ADAMTS3: variants seen among roughly 807,000 people sequenced by gnomAD.
ADAMTS3 encodes ADAM metallopeptidase with thrombospondin type 1 motif 3, also known as A disintegrin and metalloproteinase with thrombospondin motifs 3.
Under a neutral mutation model 129.0 loss-of-function variants are expected in ADAMTS3, and 73 were observed. The ratio of observed to expected loss-of-function variants is 0.57; its 90% confidence interval spans 0.47 to 0.69. ADAMTS3 has a LOEUF of 0.69. Ranked by LOEUF, ADAMTS3 falls within the 30% of genes least tolerant of loss-of-function variation. The probability of loss-of-function intolerance (pLI) is 0.00; values close to 1 mark genes in which losing one functional copy is unlikely to be tolerated. For synonymous variants in ADAMTS3, 477 were observed against 510.8 expected, an observed-to-expected ratio of 0.93 and a Z score of 0.89; for missense variants, 1,457 against 1,514.5, an observed-to-expected ratio of 0.96 and a Z score of 0.63.
At chr4:72,286,157 A>G (rs944096061) in intron 21 of ADAMTS3, among the ~76,000 whole-genome samples, 4 of 152,218 alleles carry the variant, frequency 2.6e-5, no homozygotes, top group Non-Finnish European at 5.9e-5. Context: ...CTAAAGAAGG[A>G]GAATCAAGAA....
chr4:72,471,925 G>C (rs6812435), intron 3 of ADAMTS3, among the ~76,000 whole-genome samples: 45,011 of 151,794 alleles, frequency 0.3, 6,871 homozygotes, highest in East Asian at 0.45. Flanking sequence ...AAAATTGTCA[G>C]AACTACTACC....
In ADAMTS3 at chr4:72,369,074, G is replaced by T. The variant is rs143636365; in HGVS notation, c.662-29381C>A. Among the ~76,000 whole-genome samples the T allele has an allele frequency of 2.7e-3, 418 of 152,290 alleles. 3 individuals are homozygous for T. The highest frequency in any genetic ancestry group is 9.8e-3 in the African/African-American group (409 of 41,552). On this transcript the variant is annotated intron_variant, in intron 4 of 21. Coordinates refer to ENST00000286657, the MANE Select transcript of ADAMTS3 (RefSeq NM_014243.3). ...GAACATAGTTGGTACAAAACACACA[G>T]ATTGCAAAGAATAGGATGAAAAACA... is the stretch of plus-strand genomic sequence containing the variant.
At chr4:72,390,396 G>A (rs146144947) in intron 4 of ADAMTS3, among the ~76,000 whole-genome samples, 4 of 152,214 alleles carry the variant, frequency 2.6e-5, no homozygotes, top group African/African-American at 9.6e-5. Flanking sequence ...ACCCAGTGAG[G>A]AAGACACTTG....
intron 2 of ADAMTS3, among the ~76,000 whole-genome samples, chr4:72,552,427 T>A (rs1721667330): frequency 6.6e-6 from 1 of 152,162 alleles, no homozygotes; most frequent in Admixed American, 6.6e-5. Flanking sequence ...AGTTAGAAAC[T>A]ATAAAACTGT....
chr4:72,478,114 C>A (rs1195692155), intron 3 of ADAMTS3, among the ~76,000 whole-genome samples: 5 of 152,126 alleles, frequency 3.3e-5, no homozygotes, highest in African/African-American at 7.2e-5. Flanking sequence ...ACCAGAGGTA[C>A]AAGGAGGAAC....
rs544110450 is a variant in ADAMTS3, at chr4:72,290,447, G to A, written c.2931+408C>T. 2.6e-5 allele frequency among the ~76,000 whole-genome samples: 4 copies of A among 152,264 alleles called. No homozygotes were observed. The East Asian group carries it at 7.7e-4, about 29-fold the overall frequency. On this transcript the variant is annotated intron_variant, in intron 20 of 21. Coordinates refer to ENST00000286657, the MANE Select transcript of ADAMTS3 (RefSeq NM_014243.3). ...GCTGAAAGGTAGGAGGCTCAAACAA[G>A]CATGGTCTGTTTGGAACAGTGTGAA...
intron 3 of ADAMTS3, among the ~76,000 whole-genome samples, chr4:72,425,643 G>A (rs979136760): frequency 7.9e-5 from 12 of 152,166 alleles, no homozygotes; most frequent in South Asian, 2.1e-4. Flanking sequence ...CTTCATCCAC[G>A]TCCCTAAAAC....
chr4:72,412,882 T>C (rs1043592582), intron 4 of ADAMTS3, among the ~76,000 whole-genome samples: 2 of 152,026 alleles, frequency 1.3e-5, no homozygotes, highest in Admixed American at 6.6e-5. Context: ...GTCTGCATTA[T>C]TAAAAAGAAA....
At chr4:72,410,918 T>G (rs1197968389) in intron 4 of ADAMTS3, among the ~76,000 whole-genome samples, 1 of 152,106 alleles carries the variant, frequency 6.6e-6, no homozygotes, top group Non-Finnish European at 1.5e-5. Flanking sequence ...ATGTTTTTTG[T>G]GTAATGAAAA....
chr4:72,553,200 C>T (rs950585803), intron 2 of ADAMTS3, among the ~76,000 whole-genome samples: 1 of 152,122 alleles, frequency 6.6e-6, no homozygotes, highest in Non-Finnish European at 1.5e-5. Context: ...CAGAATTTTG[C>T]TTGGAAAGCT....
intron 3 of ADAMTS3, among the ~76,000 whole-genome samples, chr4:72,520,829 G>A (rs188312890): frequency 3.9e-4 from 60 of 152,050 alleles, no homozygotes; most frequent in Non-Finnish European, 6.2e-4. Context: ...TTCGGCTCGC[G>A]CATGATGTGC....
chr4:72,509,813 A>G (rs1578745764), intron 3 of ADAMTS3, among the ~76,000 whole-genome samples: 1 of 152,206 alleles, frequency 6.6e-6, no homozygotes, highest in South Asian at 2.1e-4. Flanking sequence ...ACATTAAAAA[A>G]AAAAAACTAC....
intron 5 of ADAMTS3, among the ~76,000 whole-genome samples, chr4:72,326,484 A>G (rs998896398): frequency 2.6e-5 from 4 of 151,892 alleles, no homozygotes; most frequent in African/African-American, 9.7e-5. Context: ...GATATTCAAA[A>G]CCCTGGGTTC....
At chr4:72,511,290 C>G (rs776813613) in intron 3 of ADAMTS3, among the ~76,000 whole-genome samples, 18 of 151,934 alleles carry the variant, frequency 1.2e-4, no homozygotes, top group Non-Finnish European at 2.2e-4. Context: ...ATCACATCAA[C>G]TTAAAAAGCT....
intron 3 of ADAMTS3, among the ~76,000 whole-genome samples, chr4:72,472,407 T>A (rs149101273): frequency 6.6e-6 from 1 of 152,162 alleles, no homozygotes; most frequent in Non-Finnish European, 1.5e-5. Flanking sequence ...TGTAGGTTTA[T>A]ACAGTATATT....
At chr4:72,291,653 TTG>T (rs1718672825) in intron 19 of ADAMTS3, among the ~76,000 whole-genome samples, 1 of 151,858 alleles carries the variant, frequency 6.6e-6, no homozygotes, top group Non-Finnish European at 1.5e-5. Flanking sequence ...TCTATCATTG[TTG>T]GACATTTGGG....
intron 4 of ADAMTS3, among the ~76,000 whole-genome samples, chr4:72,384,964 C>A (rs1468132139): frequency 6.6e-6 from 1 of 151,954 alleles, no homozygotes; most frequent in African/African-American, 2.4e-5. Context: ...GTCAGGAGAT[C>A]GAGACCATCC....
At chr4:72,481,683 C>T (rs989334867) in intron 3 of ADAMTS3, among the ~76,000 whole-genome samples, 5 of 151,900 alleles carry the variant, frequency 3.3e-5, no homozygotes, top group African/African-American at 7.3e-5. Context: ...ATTAATTGGA[C>T]TCCATCAAAA....
At chr4:72,547,577 G>A (rs774034127) in intron 3 of ADAMTS3, among the ~76,000 whole-genome samples, 6 of 152,120 alleles carry the variant, frequency 3.9e-5, no homozygotes, top group East Asian at 1.9e-4. Flanking sequence ...CAGAATGGGC[G>A]AAATCAGCTA....
Sources: allele counts gnomAD v4.1 joint callset (sites outside exome capture counted in the v4.1 genomes callset), GRCh38; gene constraint gnomAD v4.1.1; transcripts MANE v1.5; gene names NCBI Gene and HGNC (gene_info 2026-07-23, HGNC 2026-07-21).